The following TTC39C variants were observed in gnomAD, a reference collection of about 807,000 sequenced individuals.
TTC39C encodes the protein tetratricopeptide repeat protein 39C.
TTC39C carries 33 observed loss-of-function variants against 76.3 expected under a neutral mutation model. The ratio of observed to expected loss-of-function variants is 0.43; its 90% confidence interval spans 0.33 to 0.58. The LOEUF (loss-of-function observed/expected upper bound fraction) is 0.58. TTC39C is among the 20% of genes least tolerant of loss of function. The pLI is 0.04. For synonymous variants in TTC39C, 254 were observed against 260.6 expected, an observed-to-expected ratio of 0.97 and a Z score of 0.24; for missense variants, 595 against 701.4, an observed-to-expected ratio of 0.85 and a Z score of 1.71.
At chr18:24,063,514 CTT>C (rs541055847) in intron 1 of TTC39C, among the ~76,000 whole-genome samples, 5 of 135,998 alleles carry the variant, frequency 3.7e-5, no homozygotes, top group African/African-American at 2.7e-5. Context: ...TTGTTTCTAC[CTT>C]TTTTTTTTTT....
intron 1 of TTC39C, among the ~76,000 whole-genome samples, chr18:24,016,917 G>C (rs149606849): frequency 6.6e-6 from 1 of 152,340 alleles, no homozygotes; most frequent in Non-Finnish European, 1.5e-5. Context: ...GACAACAAAA[G>C]AGTGAGGTGT....
At chr18:24,086,642 C>A (rs989087894) in intron 6 of TTC39C, among the ~76,000 whole-genome samples, 10 of 152,196 alleles carry the variant, frequency 6.6e-5, no homozygotes, top group Admixed American at 6.5e-4. Flanking sequence ...TGCCAAACTG[C>A]AGAAAGAATT....
chr18:24,007,540 G>A (rs1010437673), intron 1 of TTC39C, among the ~76,000 whole-genome samples: 49 of 151,992 alleles, frequency 3.2e-4, no homozygotes, highest in African/African-American at 1.1e-3. Flanking sequence ...GGTGCCACCA[G>A]GCCTGGCTAG....
At chr18:24,131,827 T>C in intron 12 of TTC39C, 55 bp from the exon 13 acceptor site, 2 of 1,506,790 alleles carry the variant, frequency 1.3e-6, no homozygotes, top group Non-Finnish European at 9.1e-7. Context: ...TATACCATTT[T>C]CTGCCTGCGT....
chr18:24,069,085 C>G (rs2084204602), intron 3 of TTC39C, 72 bp from the exon 4 acceptor site: 5 of 1,244,408 alleles, frequency 4.0e-6, no homozygotes, highest in Middle Eastern at 1.9e-4. Flanking sequence ...TGTACAATAA[C>G]CTGATACTGT....
intron 6 of TTC39C, among the ~76,000 whole-genome samples, chr18:24,107,034 C>T (rs924604622): frequency 6.6e-6 from 1 of 152,124 alleles, no homozygotes; most frequent in Non-Finnish European, 1.5e-5. Flanking sequence ...CAAAAGAACT[C>T]GGCCTTGTTT....
intron 3 of TTC39C, among the ~76,000 whole-genome samples, chr18:24,068,381 G>A (rs1352150465): frequency 6.6e-6 from 1 of 152,054 alleles, no homozygotes; most frequent in Non-Finnish European, 1.5e-5. Context: ...CATCATTCTG[G>A]CTTGTCTACT....
intron 5 of TTC39C, 120 bp from the exon 6 acceptor site, chr18:24,082,793 G>A: frequency 9.8e-7 from 1 of 1,016,642 alleles, no homozygotes; most frequent in Non-Finnish European, 1.4e-6. Flanking sequence ...CTTCTTCAGA[G>A]ACTGCATAGT....
At chr18:23,997,657 A>AGAAAGAAAGAAAGAAAGAAG (rs2083275717) in intron 1 of TTC39C, among the ~76,000 whole-genome samples, 7 of 60,220 alleles carry the variant, frequency 1.2e-4, no homozygotes, top group African/African-American at 3.1e-4. Context: ...GGAAGGAGAA[A>AGAAAGAAAGAAAGAAAGAAG]GAAAGAAAGA....
intron 5 of TTC39C, among the ~76,000 whole-genome samples, chr18:24,081,431 A>C (rs1358295665): frequency 6.6e-6 from 1 of 152,178 alleles, no homozygotes; most frequent in Non-Finnish European, 1.5e-5. Flanking sequence ...TTTAAACTTA[A>C]ATAATAATTA....
At chr18:24,083,179 A>G in intron 6 of TTC39C, 98 bp downstream of exon 6, 2 of 1,215,424 alleles carry the variant, frequency 1.6e-6, no homozygotes, top group African/African-American at 1.5e-5. Context: ...AGAATGTCCC[A>G]GGGCCCCGGA....
At chr18:24,039,335 T>TTA (rs1250803047) in intron 1 of TTC39C, among the ~76,000 whole-genome samples, 1 of 152,168 alleles carries the variant, frequency 6.6e-6, no homozygotes, top group Admixed American at 6.5e-5. Flanking sequence ...TAGGCATGTG[T>TTA]TATAGTCAGG....
intron 6 of TTC39C, among the ~76,000 whole-genome samples, chr18:24,088,675 A>G (rs1329807300): frequency 6.6e-6 from 1 of 152,190 alleles, no homozygotes; most frequent in African/African-American, 2.4e-5. Flanking sequence ...CCTGCTGAGA[A>G]AGGGACAGTG....
At chr18:24,103,931 G>GT (rs59092787) in intron 6 of TTC39C, among the ~76,000 whole-genome samples, 9,140 of 138,222 alleles carry the variant, frequency 0.066, 446 homozygotes, top group East Asian at 0.3. Context: ...TTCTCTCTCT[G>GT]TTTTTTTTTT....
chr18:24,108,696 C>T (rs928397667), intron 6 of TTC39C, among the ~76,000 whole-genome samples: 1 of 152,112 alleles, frequency 6.6e-6, no homozygotes, highest in Non-Finnish European at 1.5e-5. Context: ...AAAATGTCAC[C>T]TGTAGTTAGT....
chr18:24,086,453 C>T (rs1345352975), intron 6 of TTC39C, among the ~76,000 whole-genome samples: 1 of 152,160 alleles, frequency 6.6e-6, no homozygotes, highest in Non-Finnish European at 1.5e-5. Context: ...GTTTGGGACT[C>T]TGTAGAGTGA....
chr18:24,129,023 A>G, intron 11 of TTC39C, 40 bp downstream of exon 11: 1 of 1,494,952 alleles, frequency 6.7e-7, no homozygotes, highest in South Asian at 1.2e-5. Flanking sequence ...AAAATAAGTC[A>G]CGAACACCTA....
At chr18:24,051,298 C>T (rs116775800) in intron 1 of TTC39C, among the ~76,000 whole-genome samples, 5 of 152,156 alleles carry the variant, frequency 3.3e-5, no homozygotes, top group East Asian at 1.9e-4. Context: ...CAGCGTATTA[C>T]GAAGTCTTTT....
In TTC39C at chr18:24,085,210, G is replaced by A. The variant is rs541176787; in HGVS notation, c.984+2129G>A. On this transcript the variant is annotated intron_variant, in intron 6 of 13. Transcript: ENST00000317571. ...GATTTACCTCGGTCATCTCTTCAGC[G>A]ATCCATCTAGAAGCCTAAAGTTTAA... Among the ~76,000 whole-genome samples, 10 of 152,318 alleles carry A rather than the reference G, an allele frequency of 6.6e-5. No individual in the cohort carries two copies. In the South Asian group the frequency reaches 1.2e-3, roughly 19 times the overall value.
Sources: gnomAD v4.1 joint callset for allele counts (sites outside exome capture counted in the v4.1 genomes callset) on GRCh38, gnomAD v4.1.1 for gene constraint, MANE v1.5 for transcripts, NCBI Gene and HGNC (gene_info 2026-07-23, HGNC 2026-07-21) for gene names.